The following RIMBP2 variants were observed in gnomAD, a reference collection of about 807,000 sequenced individuals.
The protein encoded by RIMBP2 is RIMS-binding protein 2.
Under a neutral mutation model 118.6 loss-of-function variants are expected in RIMBP2, and 48 were observed. The observed-to-expected ratio is 0.40, with a 90% CI of 0.32 to 0.51. The LOEUF is 0.51. RIMBP2 is among the 20% of genes least tolerant of loss of function. The pLI, the probability that RIMBP2 is intolerant of heterozygous loss-of-function variation, is 0.41. For synonymous variants in RIMBP2, 762 were observed against 742.9 expected, an observed-to-expected ratio of 1.03 and a Z score of -0.42; for missense variants, 1,551 against 1,768.3, an observed-to-expected ratio of 0.88 and a Z score of 2.20.
chr12:130,407,612 T>G, intron 20 of RIMBP2, 114 bp downstream of exon 20: 1 of 856,796 alleles, frequency 1.2e-6, no homozygotes, highest in Non-Finnish European at 2.0e-6. Context: ...TTCCTACGGA[T>G]GGTTCGGAGA....
At chr12:130,625,901 A>G (rs1183251604) in intron 2 of RIMBP2, among the ~76,000 whole-genome samples, 1 of 152,192 alleles carries the variant, frequency 6.6e-6, no homozygotes, top group Non-Finnish European at 1.5e-5. Flanking sequence ...AAAAATTACA[A>G]CTAATAACCC....
intron 2 of RIMBP2, among the ~76,000 whole-genome samples, chr12:130,556,880 G>A (rs2056408852): frequency 6.6e-6 from 1 of 152,176 alleles, no homozygotes; most frequent in Non-Finnish European, 1.5e-5. Context: ...AGCCAGCACT[G>A]TGCACCCTTA....
At position 130,506,738 on chromosome 12, in the gene RIMBP2, C is replaced by A. The variant is rs117144838; in HGVS notation, c.-94G>T. On this transcript the variant is annotated 5_prime_UTR_variant, in exon 4 of 23. Transcript: ENST00000690449. The stretch of plus-strand genomic sequence containing the variant: ...CGCGCTCTCTGGTCACGAGGGTGAG[C>A]GGATGGTTGAGATGCACATACTCTG... The A allele has an allele frequency of 1.0e-6, 1 of 985,558 alleles. No individual in the cohort carries two copies. Among genetic ancestry groups the A allele is most frequent in the African/African-American group, 1.7e-5 (1 of 57,194 alleles). The allele number at this position is 985,558 out of a possible 1,614,324, so 61.1% of individuals were successfully genotyped here. A position where few individuals can be genotyped will look rare whatever the true frequency, so the allele number is the denominator to read the frequency against.
rs548176377 is a variant in RIMBP2 at position 130,479,136 on chromosome 12, G to A, written c.-3-120C>T. Reference sequence around the variant, plus strand: ...GGTCACTCCAGAGCAGCCCCTCACCGCCCCACAGGGCACCCACCTCCGTGC... The same window carrying A: ...GGTCACTCCAGAGCAGCCCCTCACCACCCCACAGGGCACCCACCTCCGTGC... On this transcript the variant is annotated intron_variant, in intron 4 of 22. Coordinates refer to ENST00000690449, the MANE Select transcript of RIMBP2 (RefSeq NM_001393629.1). The A allele has an allele frequency of 3.3e-4, 207 of 636,542 alleles. 1 individual carries two copies. In the African/African-American group the frequency reaches 3.5e-3, roughly 11 times the overall value. The allele number at this position is 636,542 out of a possible 1,614,324, so 39.4% of individuals were successfully genotyped here.
chr12:130,435,942 C>T (rs74491262), intron 13 of RIMBP2, among the ~76,000 whole-genome samples: 14,501 of 152,190 alleles, frequency 0.095, 724 homozygotes, highest in Middle Eastern at 0.12. Flanking sequence ...TTCCCTGGCC[C>T]GGCCCCCAGC....
chr12:130,570,277 T>A (rs1465405706), intron 2 of RIMBP2, among the ~76,000 whole-genome samples: 1 of 151,914 alleles, frequency 6.6e-6, no homozygotes, highest in African/African-American at 2.4e-5. Flanking sequence ...CACAAAAAAA[T>A]TAGCCGGGTA....
At position 130,609,203 on chromosome 12, in the gene RIMBP2, C is replaced by G. The variant is rs145172818; in HGVS notation, c.-217+19119G>C. Among the ~76,000 whole-genome samples the G allele has an allele frequency of 4.9e-4, 74 of 152,106 alleles. 1 individual carries two copies. The East Asian group carries it at 0.013, about 26-fold the overall frequency. On this transcript the variant is annotated intron_variant, in intron 2 of 22. Coordinates refer to ENST00000690449, the MANE Select transcript of RIMBP2 (RefSeq NM_001393629.1). ...TGAGTCTGTCGCAAAGCTGTCTGCA[C>G]CCCCACGTATGAACTGAGTCTGTCA...
At chr12:130,556,913 T>G (rs568409734) in intron 2 of RIMBP2, among the ~76,000 whole-genome samples, 6 of 152,280 alleles carry the variant, frequency 3.9e-5, no homozygotes, top group Non-Finnish European at 1.5e-5. Flanking sequence ...AGAGACGTCT[T>G]GCATCTCGGC....
At chr12:130,457,676 C>T (rs974865225) in intron 6 of RIMBP2, among the ~76,000 whole-genome samples, 2 of 152,226 alleles carry the variant, frequency 1.3e-5, no homozygotes, top group Admixed American at 6.5e-5. Flanking sequence ...CTGGGCTATT[C>T]GTTTCTTGTC....
chr12:130,434,931 C>T lies in RIMBP2; in HGVS notation c.2107-51G>A, dbSNP rs1193643621. On this transcript the variant is annotated intron_variant, in intron 13 of 22. Coordinates refer to ENST00000690449, the MANE Select transcript of RIMBP2 (RefSeq NM_001393629.1). This position sits in a 1 kb window ranked among gnomAD's most constrained non-coding sequence, Gnocchi z 5.7. ...GGTGAGGCAGGGCCACCTTCAGCTA[C>T]GCTCAGCCCCACCTGCATTCACCAA... 16 of 1,549,112 alleles carry T rather than the reference C, an allele frequency of 1.0e-5. No individual in the cohort carries two copies. The highest frequency in any genetic ancestry group is 4.6e-5 in the East Asian group (2 of 43,212).
chr12:130,477,093 C>T (rs917420227), intron 5 of RIMBP2, among the ~76,000 whole-genome samples: 1 of 152,232 alleles, frequency 6.6e-6, no homozygotes, highest in African/African-American at 2.4e-5. Context: ...TCCAGTTTCT[C>T]TCCCTCTGCC....
At chr12:130,527,269 T>C (rs949927261) in intron 2 of RIMBP2, among the ~76,000 whole-genome samples, 3 of 152,250 alleles carry the variant, frequency 2.0e-5, no homozygotes, top group Non-Finnish European at 4.4e-5. Context: ...TGAAATACTA[T>C]GCTAATAAAG....
At chr12:130,428,094 G>A in intron 15 of RIMBP2, 85 bp downstream of exon 15, 1 of 1,347,604 alleles carries the variant, frequency 7.4e-7, no homozygotes, top group African/African-American at 1.5e-5. Flanking sequence ...CCCCTCTGGA[G>A]CCTGCCTCAC....
intron 2 of RIMBP2, among the ~76,000 whole-genome samples, chr12:130,577,573 A>G (rs759955993): frequency 1.3e-5 from 2 of 152,194 alleles, no homozygotes; most frequent in African/African-American, 2.4e-5. Context: ...TCGCGAGAAC[A>G]GCATGGGGGA....
chr12:130,441,988 T>G lies in RIMBP2; in HGVS notation c.1364A>C (p.Lys455Thr). Reference sequence around the variant, plus strand: ...GGGCCTGAGATTGAAGAACTGGTACTTGTACCTGGCGGCCTTGACGATGTC... The same window carrying G: ...GGGCCTGAGATTGAAGAACTGGTACGTGTACCTGGCGGCCTTGACGATGTC... Reference protein sequence around the residue: ...EFDIVKAARYKYQFFNLRPNM... With the variant: ...EFDIVKAARYTYQFFNLRPNM... The change falls in exon 11 of 23, where the codon AAG becomes ACG. Residue 455 changes from lysine (K) to threonine (T), a missense_variant. Physicochemically the swap from Lys to Thr is moderately conservative, Grantham distance 78 (BLOSUM62 -1). Around this residue, in one of 5 missense-constraint regions of RIMBP2, gnomAD observed 265 missense variants for 349.5 expected, o/e 0.76. Transcript: ENST00000690449. 1 of 1,614,168 alleles carries G rather than the reference T, an allele frequency of 6.2e-7. No individual in the cohort carries two copies. Among genetic ancestry groups the G allele is most frequent in the Non-Finnish European group, 8.5e-7 (1 of 1,180,040 alleles).
intron 1 of RIMBP2, among the ~76,000 whole-genome samples, chr12:130,691,237 C>T (rs536488633): frequency 2.6e-5 from 4 of 152,176 alleles, no homozygotes; most frequent in South Asian, 2.1e-4. Flanking sequence ...ACACCTGCAA[C>T]GCTGACCACA....
At chr12:130,532,236 T>C (rs77036724) in intron 2 of RIMBP2, among the ~76,000 whole-genome samples, 1 of 88,150 alleles carries the variant, frequency 1.1e-5, no homozygotes. Context: ...GAGATGCGTG[T>C]GTTTAGCCTC....
chr12:130,599,140 G>A (rs1408510723), intron 2 of RIMBP2, among the ~76,000 whole-genome samples: 4 of 152,206 alleles, frequency 2.6e-5, no homozygotes, highest in African/African-American at 9.7e-5. Context: ...TATGCAATAA[G>A]TAAACCCATC....
intron 1 of RIMBP2, among the ~76,000 whole-genome samples, chr12:130,647,978 G>C (rs2063060972): frequency 2.3e-5 from 3 of 127,850 alleles, no homozygotes; most frequent in Admixed American, 1.5e-4. Flanking sequence ...TTGGACCCCA[G>C]CTCCGTTGGA....
Sources: allele counts gnomAD v4.1 joint callset (sites outside exome capture counted in the v4.1 genomes callset), GRCh38; gene constraint gnomAD v4.1.1; regional missense constraint gnomAD v4.1.1; non-coding constraint Gnocchi (gnomAD v3.1); transcripts MANE v1.5; gene names NCBI Gene and HGNC (gene_info 2026-07-23, HGNC 2026-07-21).